MTSS1: variants seen among roughly 807,000 people sequenced by gnomAD.
The protein encoded by MTSS1 is MTSS I-BAR domain containing 1, also known as protein MTSS 1.
A neutral mutation model predicts 79.0 loss-of-function variants in MTSS1; 18 were observed. That is an observed-to-expected ratio of 0.23 (90% CI 0.16 to 0.34). MTSS1 has a LOEUF of 0.34. MTSS1 is among the 10% of genes least tolerant of loss of function. The pLI is 1.00. For synonymous variants in MTSS1, 341 were observed against 368.6 expected, an observed-to-expected ratio of 0.93 and a Z score of 0.86; for missense variants, 815 against 986.2, an observed-to-expected ratio of 0.83 and a Z score of 2.33.
chr8:124,651,458 T>G (rs1421549105), intron 3 of MTSS1, among the ~76,000 whole-genome samples: 1 of 151,560 alleles, frequency 6.6e-6, no homozygotes, highest in East Asian at 2.0e-4. Context: ...GTCTTTTTTT[T>G]TTTGGTGGGG....
In MTSS1 at chr8:124,629,083, ACATT is replaced by A. The variant is rs1030815495; in HGVS notation, c.209-37852_209-37849del. 3.9e-5 allele frequency among the ~76,000 whole-genome samples: 6 copies of A among 152,326 alleles called. 1 individual carries two copies. Among genetic ancestry groups the A allele is most frequent in the Admixed American group, 2.6e-4 (4 of 15,300 alleles). ...AGGCCTAGGCCTAAGCTCTGTGTAC[ACATT>A]CATTCATTCATTCATCTTCATTCTT... On this transcript the variant is annotated intron_variant, in intron 3 of 13. Coordinates refer to ENST00000518547, the MANE Select transcript of MTSS1 (RefSeq NM_014751.6).
At chr8:124,628,068 G>A (rs896644186) in intron 3 of MTSS1, among the ~76,000 whole-genome samples, 3 of 152,202 alleles carry the variant, frequency 2.0e-5, no homozygotes, top group African/African-American at 4.8e-5. Flanking sequence ...TCAGGTGGCT[G>A]AGGCAGGAAT....
intron 12 of MTSS1, 126 bp downstream of exon 12, chr8:124,556,106 A>G: frequency 6.4e-7 from 1 of 1,558,360 alleles, no homozygotes; most frequent in South Asian, 1.2e-5. Flanking sequence ...TAGAGCAGGA[A>G]GTCAGGGAAT....
intron 2 of MTSS1, among the ~76,000 whole-genome samples, chr8:124,699,952 A>G (rs889232804): frequency 1.3e-5 from 2 of 151,986 alleles, no homozygotes; most frequent in Non-Finnish European, 2.9e-5. Flanking sequence ...TTCGAGACCA[A>G]CCTGGCCAAG....
chr8:124,620,889 G>A (rs1020154185), intron 3 of MTSS1, among the ~76,000 whole-genome samples: 31 of 152,198 alleles, frequency 2.0e-4, no homozygotes, highest in African/African-American at 7.5e-4. Context: ...AAACAGTATC[G>A]TGAATGGCTG....
chr8:124,561,743 G>A (rs1825377291), intron 10 of MTSS1, among the ~76,000 whole-genome samples: 1 of 152,046 alleles, frequency 6.6e-6, no homozygotes, highest in Non-Finnish European at 1.5e-5. Flanking sequence ...TGCCCTCTCT[G>A]CTTGTGAGCA....
At chr8:124,623,722 C>T (rs932850154) in intron 3 of MTSS1, among the ~76,000 whole-genome samples, 1 of 152,164 alleles carries the variant, frequency 6.6e-6, no homozygotes, top group African/African-American at 2.4e-5. Flanking sequence ...TTACTGCAAC[C>T]TCTGCCTCCT....
At chr8:124,599,482 CAAAA>C (rs202122400) in intron 3 of MTSS1, among the ~76,000 whole-genome samples, 36,507 of 85,462 alleles carry the variant, frequency 0.43, 5,578 homozygotes, top group African/African-American at 0.57. Flanking sequence ...GACTCCGTCT[CAAAA>C]AAAAAAAAAA....
At chr8:124,571,484 A>G (rs1827762952) in intron 6 of MTSS1, among the ~76,000 whole-genome samples, 1 of 152,182 alleles carries the variant, frequency 6.6e-6, no homozygotes, top group South Asian at 2.1e-4. Flanking sequence ...CTAGAGGGCT[A>G]CTTCTAGTCT....
intron 10 of MTSS1, among the ~76,000 whole-genome samples, chr8:124,559,762 G>A (rs1207357156): frequency 2.6e-5 from 4 of 152,186 alleles, no homozygotes; most frequent in East Asian, 1.9e-4. Flanking sequence ...TCTCTGTCAC[G>A]TAAGTTGGGT....
chr8:124,663,708 G>T (rs897527013), intron 3 of MTSS1, among the ~76,000 whole-genome samples: 1 of 152,092 alleles, frequency 6.6e-6, no homozygotes, highest in Non-Finnish European at 1.5e-5. Context: ...ATCAGCTTTC[G>T]ATATTTTGCC....
In MTSS1 at chr8:124,552,831, T is replaced by C; in HGVS notation, c.*161A>G. On this transcript the variant is annotated 3_prime_UTR_variant, in exon 14 of 14. Transcript: ENST00000518547. ...ATCAAGATTATGTCAGTTACATAGG[T>C]TGGTTTTAATTCTTATCTAAAGGTG... The C allele has an allele frequency of 3.4e-6, 2 of 596,744 alleles. No individual in the cohort carries two copies. Among genetic ancestry groups the C allele is most frequent in the Non-Finnish European group, 2.9e-6 (1 of 347,710 alleles). The allele number at this position is 596,744 out of a possible 1,614,324, so 37.0% of individuals were successfully genotyped here.
intron 6 of MTSS1, among the ~76,000 whole-genome samples, chr8:124,573,647 C>T (rs1232474490): frequency 6.6e-6 from 1 of 152,230 alleles, no homozygotes; most frequent in African/African-American, 2.4e-5. Context: ...CCTTAAATGG[C>T]CTAATACTTC....
rs200139473 is a variant in MTSS1, at chr8:124,609,900, TG to T, written c.209-18666del. The stretch of plus-strand genomic sequence containing the variant: ...CTGAGCTGACTCTGAGCTCCTGGGG[TG>T]GGGGGAAATGAGACATTCTTCATAC... On this transcript the variant is annotated intron_variant, in intron 3 of 13. Transcript: ENST00000518547. Among the ~76,000 whole-genome samples the T allele has an allele frequency of 5.5e-3, 834 of 152,096 alleles. 11 individuals carry two copies. Among genetic ancestry groups the T allele is most frequent in the African/African-American group, 0.019 (804 of 41,468 alleles).
chr8:124,662,345 G>A (rs149931185), intron 3 of MTSS1, among the ~76,000 whole-genome samples: 97 of 152,252 alleles, frequency 6.4e-4, no homozygotes, highest in African/African-American at 2.2e-3. Flanking sequence ...ACAGTGATAC[G>A]AATGTATTCC....
At chr8:124,569,936 C>T (rs985418886) in intron 6 of MTSS1, among the ~76,000 whole-genome samples, 1 of 152,064 alleles carries the variant, frequency 6.6e-6, no homozygotes, top group Admixed American at 6.6e-5. Context: ...CAGGAAGGGC[C>T]CTGCAGTTTC....
chr8:124,664,088 G>A (rs978834099), intron 3 of MTSS1, among the ~76,000 whole-genome samples: 2 of 152,234 alleles, frequency 1.3e-5, no homozygotes, highest in Non-Finnish European at 2.9e-5. Context: ...AGGTCCAGGT[G>A]GGGAACCCCA....
rs1376958914 is a variant in MTSS1 at position 124,683,621 on chromosome 8, G to T, written c.208+15905C>A. On this transcript the variant is annotated intron_variant, in intron 3 of 13. Coordinates refer to ENST00000518547, the MANE Select transcript of MTSS1 (RefSeq NM_014751.6). The surrounding 1 kb of genome is among the most constrained non-coding windows in gnomAD (Gnocchi z 4.5). Reference sequence around the variant, plus strand: ...TGGAACAACACAACCTTTCCAACACGAAGGAGCCCACTGCCATATCTGAAT... The same window carrying T: ...TGGAACAACACAACCTTTCCAACACTAAGGAGCCCACTGCCATATCTGAAT... 6.6e-6 allele frequency among the ~76,000 whole-genome samples: 1 copy of T among 152,158 alleles called. No individual in the cohort carries two copies. The highest frequency in any genetic ancestry group is 1.5e-5 in the Non-Finnish European group (1 of 68,042).
chr8:124,655,926 A>G (rs1348132525), intron 3 of MTSS1, among the ~76,000 whole-genome samples: 1 of 152,198 alleles, frequency 6.6e-6, no homozygotes, highest in Non-Finnish European at 1.5e-5. Flanking sequence ...CAGAAGCTGG[A>G]AAGATGTGTG....
Sources: gnomAD v4.1 joint callset for allele counts (sites outside exome capture counted in the v4.1 genomes callset) on GRCh38, gnomAD v4.1.1 for gene constraint, Gnocchi (gnomAD v3.1) non-coding constraint, MANE v1.5 for transcripts, NCBI Gene and HGNC (gene_info 2026-07-23, HGNC 2026-07-21) for gene names.